CACNA1D: variants seen among roughly 807,000 people sequenced by gnomAD.
CACNA1D encodes the protein calcium voltage-gated channel subunit alpha1 D, also known as voltage-dependent L-type calcium channel subunit alpha-1D.
CACNA1D carries 55 observed loss-of-function variants against 257.1 expected under a neutral mutation model. That is an observed-to-expected ratio of 0.21 (90% CI 0.17 to 0.27). The LOEUF (loss-of-function observed/expected upper bound fraction) is 0.27, where lower values mean the gene tolerates loss of function less well. Among genes scored for constraint, CACNA1D ranks in the 10% least tolerant of loss-of-function variants. CACNA1D has a pLI of 1.00. For synonymous variants in CACNA1D, 980 were observed against 1,014.9 expected (o/e 0.97, Z 0.65); for missense variants, 1,876 against 2,784.0 (o/e 0.67, Z 7.34).
intron 3 of CACNA1D, among the ~76,000 whole-genome samples, chr3:53,644,211 C>G (rs1228593601): frequency 6.6e-6 from 1 of 152,112 alleles, no homozygotes; most frequent in East Asian, 1.9e-4. Flanking sequence ...TGACAAATAG[C>G]TACATAATTA....
chr3:53,637,868 A>G (rs1364157632), intron 3 of CACNA1D, among the ~76,000 whole-genome samples: 1 of 152,220 alleles, frequency 6.6e-6, no homozygotes, highest in East Asian at 1.9e-4. Flanking sequence ...TTAACTTAAT[A>G]TTACTTGGTA....
chr3:53,558,445 T>C (rs2092683607), intron 3 of CACNA1D, among the ~76,000 whole-genome samples: 1 of 152,206 alleles, frequency 6.6e-6, no homozygotes, highest in South Asian at 2.1e-4. Flanking sequence ...TATAGGCCTG[T>C]TCCAATTTTC....
chr3:53,551,893 TG>T (rs940151966), intron 3 of CACNA1D, among the ~76,000 whole-genome samples: 4 of 152,186 alleles, frequency 2.6e-5, no homozygotes, highest in Non-Finnish European at 2.9e-5. Flanking sequence ...CCATGGTGAA[TG>T]GGGAAATTCT....
chr3:53,802,546 T>C (rs555500211), intron 43 of CACNA1D, among the ~76,000 whole-genome samples: 1 of 152,368 alleles, frequency 6.6e-6, no homozygotes, highest in East Asian at 1.9e-4. Flanking sequence ...CTTTGCAGCA[T>C]GACCCAAACC....
chr3:53,813,127 TAA>T lies in CACNA1D; in HGVS notation c.*1722_*1723del, dbSNP rs1180400208. On this transcript the variant is annotated 3_prime_UTR_variant, in exon 48 of 48. Transcript: ENST00000350061. ...TTTTAATAGTATACAGACAACCTGTTAATTTTTTTTTTTTTTTTTTTTTTTGT... is the reference window on the plus strand; with the variant it reads ...TTTTAATAGTATACAGACAACCTGTTTTTTTTTTTTTTTTTTTTTTTTTGT... 1 of 101,956 alleles carries T rather than the reference TAA, an allele frequency of 9.8e-6. No individual in the cohort carries two copies. The highest frequency in any genetic ancestry group is 1.8e-5 in the Non-Finnish European group (1 of 54,710). The allele number at this position is 101,956 out of a possible 1,614,324, so 6.3% of individuals were successfully genotyped here. A position where few individuals can be genotyped will look rare whatever the true frequency, so the allele number is the denominator to read the frequency against.
chr3:53,811,433 G>C lies in CACNA1D; in HGVS notation c.*27G>C. ...CCCCAGCGAGGGGCAGACTGGCTCT[G>C]GCCTCAGGTGGGGCGCAGGAGAGCC... On this transcript the variant is annotated 3_prime_UTR_variant, in exon 48 of 48. Coordinates refer to ENST00000350061, the MANE Select transcript of CACNA1D (RefSeq NM_001128840.3). This position sits in a 1 kb window ranked among gnomAD's most constrained non-coding sequence, Gnocchi z 4.2. 2 of 1,516,966 alleles carry C rather than the reference G, an allele frequency of 1.3e-6. No individual in the cohort carries two copies. The highest frequency in any genetic ancestry group is 1.8e-6 in the Non-Finnish European group (2 of 1,132,470). The allele number at this position is 1,516,966 out of a possible 1,614,324, so 94.0% of individuals were successfully genotyped here.
chr3:53,552,360 C>T (rs149872984), intron 3 of CACNA1D, among the ~76,000 whole-genome samples: 112 of 152,124 alleles, frequency 7.4e-4, no homozygotes, highest in African/African-American at 2.6e-3. Flanking sequence ...TTTCTCTTCT[C>T]GACATAGACC....
chr3:53,573,885 A>G (rs1177957503), intron 3 of CACNA1D, among the ~76,000 whole-genome samples: 16 of 152,152 alleles, frequency 1.1e-4, no homozygotes, highest in Admixed American at 1.0e-3. Flanking sequence ...CAGTTCAATG[A>G]CATTACATTT....
intron 40 of CACNA1D, chr3:53,790,921 A>G (rs1269629634): frequency 2.9e-6 from 2 of 690,548 alleles, no homozygotes; most frequent in South Asian, 1.6e-5. Flanking sequence ...TCTTTTTTTA[A>G]TCTAAGAGGA....
intron 27 of CACNA1D, among the ~76,000 whole-genome samples, chr3:53,750,944 C>T (rs767461683): frequency 7.2e-5 from 11 of 152,166 alleles, no homozygotes; most frequent in Non-Finnish European, 1.5e-4. Context: ...GAAAGTGCTC[C>T]AGCTGGGTCC....
intron 38 of CACNA1D, 92 bp from the exon 39 acceptor site, chr3:53,781,474 C>A: frequency 1.2e-6 from 1 of 839,170 alleles, no homozygotes; most frequent in South Asian, 1.4e-5. Context: ...GCATGTTCAT[C>A]CAGGTCAGGC....
intron 16 of CACNA1D, 106 bp downstream of exon 16, chr3:53,730,662 C>A: frequency 1.2e-6 from 1 of 846,438 alleles, no homozygotes; most frequent in South Asian, 1.4e-5. Flanking sequence ...CTGCAGCCCC[C>A]GGGTTGCTGC....
chr3:53,623,987 A>G lies in CACNA1D; in HGVS notation c.484-26792A>G, dbSNP rs79030092. Among the ~76,000 whole-genome samples, 83 of 152,310 alleles carry G rather than the reference A, an allele frequency of 5.4e-4. No individual in the cohort carries two copies. In the East Asian group the frequency reaches 0.014, roughly 26 times the overall value. Reference sequence around the variant, plus strand: ...ACAGAGTTCTGGCTTTTCAACAGAGATTTTAATAAAAGATGAACAAGGTCA... The same window carrying G: ...ACAGAGTTCTGGCTTTTCAACAGAGGTTTTAATAAAAGATGAACAAGGTCA... On this transcript the variant is annotated intron_variant, in intron 3 of 47. Transcript: ENST00000350061.
intron 4 of CACNA1D, among the ~76,000 whole-genome samples, chr3:53,657,168 T>C (rs1321231542): frequency 6.6e-6 from 1 of 152,158 alleles, no homozygotes; most frequent in Non-Finnish European, 1.5e-5. Context: ...GATAAACTCA[T>C]TGTGATGTAT....
chr3:53,649,686 A>G (rs2094067240), intron 3 of CACNA1D, among the ~76,000 whole-genome samples: 1 of 152,180 alleles, frequency 6.6e-6, no homozygotes, highest in Non-Finnish European at 1.5e-5. Context: ...AGTGAATTTC[A>G]TGACCTCCAT....
chr3:53,674,771 G>T (rs1049291377), intron 8 of CACNA1D, among the ~76,000 whole-genome samples: 1 of 152,184 alleles, frequency 6.6e-6, no homozygotes, highest in Non-Finnish European at 1.5e-5. Flanking sequence ...GTTGTGGGGG[G>T]CAGGCAGGAT....
intron 9 of CACNA1D, 117 bp from the exon 10 acceptor site, chr3:53,718,184 T>A: frequency 1.2e-6 from 1 of 867,270 alleles, no homozygotes; most frequent in Non-Finnish European, 2.0e-6. Flanking sequence ...TGAGGGCCCT[T>A]TTCACCCTCC....
intron 3 of CACNA1D, among the ~76,000 whole-genome samples, chr3:53,509,299 T>C (rs915933524): frequency 6.8e-6 from 1 of 146,558 alleles, no homozygotes; most frequent in Admixed American, 7.1e-5. Context: ...GTGTGTGTGT[T>C]TGAGAGAGTA....
At chr3:53,541,227 T>C (rs1429988945) in intron 3 of CACNA1D, among the ~76,000 whole-genome samples, 1 of 152,204 alleles carries the variant, frequency 6.6e-6, no homozygotes, top group Admixed American at 6.5e-5. Context: ...TTACTCCCAG[T>C]TAATTCATGT....
Sources: allele counts gnomAD v4.1 joint callset (sites outside exome capture counted in the v4.1 genomes callset), GRCh38; gene constraint gnomAD v4.1.1; non-coding constraint Gnocchi (gnomAD v3.1); transcripts MANE v1.5; gene names NCBI Gene and HGNC (gene_info 2026-07-23, HGNC 2026-07-21).